The following SPOCK3 variants were observed in gnomAD, a reference collection of about 807,000 sequenced individuals.
The protein encoded by SPOCK3 is SPARC (osteonectin), cwcv and kazal like domains proteoglycan 3.
In SPOCK3, 30 loss-of-function variants were observed where a neutral mutation model predicts 56.6. That is an observed-to-expected ratio of 0.53 (90% CI 0.40 to 0.72). SPOCK3 has a LOEUF of 0.72. Ranked by LOEUF, SPOCK3 falls within the 30% of genes least tolerant of loss-of-function variation. The probability of loss-of-function intolerance (pLI) is 0.00; values close to 1 mark genes in which losing one functional copy is unlikely to be tolerated. For synonymous variants in SPOCK3, 196 were observed against 183.3 expected, an observed-to-expected ratio of 1.07 and a Z score of -0.56; for missense variants, 527 against 530.0, an observed-to-expected ratio of 0.99 and a Z score of 0.06.
chr4:166,981,832 C>T (rs1746610100), intron 4 of SPOCK3, among the ~76,000 whole-genome samples: 1 of 152,198 alleles, frequency 6.6e-6, no homozygotes, highest in Non-Finnish European at 1.5e-5. Context: ...GCACCCCTGG[C>T]CTCTGTCCCA....
At chr4:167,099,284 T>C (rs1759428978) in intron 2 of SPOCK3, among the ~76,000 whole-genome samples, 1 of 152,002 alleles carries the variant, frequency 6.6e-6, no homozygotes, top group Non-Finnish European at 1.5e-5. Context: ...GTTATTTATA[T>C]ATTTTAAAAT....
At chr4:166,928,123 T>C (rs992411802) in intron 4 of SPOCK3, among the ~76,000 whole-genome samples, 2 of 152,166 alleles carry the variant, frequency 1.3e-5, no homozygotes, top group African/African-American at 4.8e-5. Flanking sequence ...GATTCATTGC[T>C]GGTGGGAATG....
intron 3 of SPOCK3, among the ~76,000 whole-genome samples, chr4:167,037,644 C>G (rs559297480): frequency 6.2e-4 from 95 of 152,212 alleles, no homozygotes; most frequent in African/African-American, 2.1e-3. Context: ...AGTCTGAGAG[C>G]CCAGAAGGCA....
At chr4:167,214,967 ATATATATATTTACTG>A (rs1279072924) in intron 2 of SPOCK3, among the ~76,000 whole-genome samples, 3 of 150,936 alleles carry the variant, frequency 2.0e-5, no homozygotes, top group East Asian at 1.9e-4. Context: ...GATAATATAC[ATATATATATTTACTG>A]TATATATATT....
At chr4:166,800,603 A>G (rs534634449) in intron 6 of SPOCK3, among the ~76,000 whole-genome samples, 1 of 152,284 alleles carries the variant, frequency 6.6e-6, no homozygotes, top group Admixed American at 6.5e-5. Context: ...AAAAGTAAAA[A>G]ATAAAAAATA....
chr4:167,146,745 T>C (rs1333828308), intron 2 of SPOCK3, among the ~76,000 whole-genome samples: 1 of 151,980 alleles, frequency 6.6e-6, no homozygotes, highest in African/African-American at 2.4e-5. Context: ...AGAAAAAAAG[T>C]TGTTCTTTAA....
chr4:167,193,214 G>C (rs77861665), intron 2 of SPOCK3, among the ~76,000 whole-genome samples: 10,135 of 145,458 alleles, frequency 0.07, 1,241 homozygotes, highest in Middle Eastern at 0.11. Flanking sequence ...CTCTCTTGCT[G>C]TCTCTTATTT....
intron 2 of SPOCK3, among the ~76,000 whole-genome samples, chr4:167,175,683 G>A (rs551210071): frequency 1.3e-5 from 2 of 152,178 alleles, no homozygotes; most frequent in Non-Finnish European, 2.9e-5. Flanking sequence ...AGGCATCTAT[G>A]AGCTAAACAG....
At chr4:166,741,899 G>T in intron 9 of SPOCK3, 98 bp downstream of exon 9, 1 of 871,562 alleles carries the variant, frequency 1.1e-6, no homozygotes, top group Non-Finnish European at 1.8e-6. Context: ...ATTTAGTGCA[G>T]TCTATCTTTG....
intron 2 of SPOCK3, among the ~76,000 whole-genome samples, chr4:167,112,539 A>G (rs1033742920): frequency 1.3e-5 from 2 of 152,082 alleles, no homozygotes; most frequent in African/African-American, 4.8e-5. Context: ...GGGGGCTGTC[A>G]TGTCTCCAAA....
At chr4:167,027,736 G>A (rs1409174312) in intron 3 of SPOCK3, among the ~76,000 whole-genome samples, 1 of 151,976 alleles carries the variant, frequency 6.6e-6, no homozygotes, top group East Asian at 1.9e-4. Flanking sequence ...AAATATATTT[G>A]TTATTCATTA....
intron 6 of SPOCK3, among the ~76,000 whole-genome samples, chr4:166,873,195 T>C (rs1209299768): frequency 2.1e-5 from 3 of 145,464 alleles, no homozygotes; most frequent in African/African-American, 7.7e-5. Context: ...AAAAGAAGAG[T>C]GATGAAGAAG....
At chr4:166,769,846 C>T (rs1664642762) in intron 7 of SPOCK3, among the ~76,000 whole-genome samples, 1 of 152,162 alleles carries the variant, frequency 6.6e-6, no homozygotes, top group South Asian at 2.1e-4. Flanking sequence ...CCAGATGGAG[C>T]TTCCTGGCAG....
rs80158217 is a variant in SPOCK3, at chr4:167,124,647, C to CT, written c.190-62111dup. Among the ~76,000 whole-genome samples, 85 of 150,454 alleles carry CT rather than the reference C, an allele frequency of 5.6e-4. 2 individuals carry two copies. In the South Asian group the frequency reaches 0.011, roughly 20 times the overall value. On this transcript the variant is annotated intron_variant, in intron 2 of 10. Coordinates refer to ENST00000357545, the MANE Select transcript of SPOCK3 (RefSeq NM_001040159.2). ...CAGCTTTCTATTAAGTTTGCCTTAT[C>CT]TTTTTTTTTTCTTGAGACTTTCAGT... is the stretch of plus-strand genomic sequence containing the variant.
intron 4 of SPOCK3, among the ~76,000 whole-genome samples, chr4:166,953,222 TCAAA>T (rs1398299856): frequency 6.6e-6 from 1 of 151,066 alleles, no homozygotes; most frequent in Non-Finnish European, 1.5e-5. Context: ...TACAATGAAC[TCAAA>T]CAAATTTACA....
At chr4:166,842,095 C>T (rs1747451426) in intron 6 of SPOCK3, among the ~76,000 whole-genome samples, 2 of 152,124 alleles carry the variant, frequency 1.3e-5, no homozygotes, top group African/African-American at 2.4e-5. Context: ...TGTGGTCTCC[C>T]TGGCCTTAGG....
chr4:167,008,436 G>T (rs922403886), intron 3 of SPOCK3, among the ~76,000 whole-genome samples: 2 of 151,950 alleles, frequency 1.3e-5, no homozygotes, highest in African/African-American at 4.8e-5. Context: ...AGCATAAAAG[G>T]CTATGGTAGA....
At chr4:167,094,417 T>C (rs1238161862) in intron 2 of SPOCK3, among the ~76,000 whole-genome samples, 1 of 152,100 alleles carries the variant, frequency 6.6e-6, no homozygotes, top group African/African-American at 2.4e-5. Flanking sequence ...AATAAGTATA[T>C]ACCCTGGCAA....
intron 2 of SPOCK3, among the ~76,000 whole-genome samples, chr4:167,116,817 GTA>G (rs1261468751): frequency 3.1e-5 from 4 of 130,740 alleles, no homozygotes; most frequent in African/African-American, 1.1e-4. Flanking sequence ...ACATATAGAT[GTA>G]TATATATAAA....
Sources: allele counts gnomAD v4.1 joint callset (sites outside exome capture counted in the v4.1 genomes callset), GRCh38; gene constraint gnomAD v4.1.1; transcripts MANE v1.5; gene names NCBI Gene and HGNC (gene_info 2026-07-23, HGNC 2026-07-21).